IL1R1: variants seen among roughly 807,000 people sequenced by gnomAD.
IL1R1 encodes interleukin 1 receptor type 1.
A neutral mutation model predicts 50.2 loss-of-function variants in IL1R1; 22 were observed. The observed-to-expected ratio is 0.44, with a 90% CI of 0.31 to 0.63. The LOEUF (loss-of-function observed/expected upper bound fraction) is 0.63, where lower values mean the gene tolerates loss of function less well. IL1R1 is among the 20% of genes least tolerant of loss of function. The pLI, the probability that IL1R1 is intolerant of heterozygous loss-of-function variation, is 0.07. For missense variants in IL1R1, 509 were observed against 676.2 expected, an observed-to-expected ratio of 0.75 and a Z score of 2.74; for synonymous variants, 251 against 236.7, an observed-to-expected ratio of 1.06 and a Z score of -0.55.
In IL1R1 at chr2:102,176,836, C is replaced by T; in HGVS notation, c.*77C>T. The T allele has an allele frequency of 7.5e-7, 1 of 1,335,892 alleles. No homozygotes were observed. Among genetic ancestry groups the T allele is most frequent in the Non-Finnish European group, 1.0e-6 (1 of 952,868 alleles). The allele number at this position is 1,335,892 out of a possible 1,614,324, so 82.8% of individuals were successfully genotyped here. ...CAGGCCAGGTTATGCCTCATGCTGA[C>T]TTGCAGAGTTCATGGAATGTAACTA... On this transcript the variant is annotated 3_prime_UTR_variant, in exon 12 of 12. Transcript: ENST00000410023.
In IL1R1 at chr2:102,093,315, C is replaced by T. The variant is rs555045968; in HGVS notation, c.-84+22782C>T. ...GTTATTGAGAAAGCTAGCAAAAGTCCTTTCCGGAAAACCCTTGTGAGTCTT... is the reference window on the plus strand; with the variant it reads ...GTTATTGAGAAAGCTAGCAAAAGTCTTTTCCGGAAAACCCTTGTGAGTCTT... On this transcript the variant is annotated intron_variant, in intron 1 of 11. Transcript: ENST00000409929. Among the ~76,000 whole-genome samples, 4 of 152,278 alleles carry T rather than the reference C, an allele frequency of 2.6e-5. No individual in the cohort carries two copies. In the South Asian group the frequency reaches 8.3e-4, roughly 32 times the overall value.
chr2:102,076,831 C>T (rs543218009), intron 1 of IL1R1, among the ~76,000 whole-genome samples: 1 of 152,090 alleles, frequency 6.6e-6, no homozygotes, highest in Non-Finnish European at 1.5e-5. Context: ...TGTGGGTTTA[C>T]AGTTACTGTA....
chr2:102,139,940 T>C (rs541845965), upstream of IL1R1, among the ~76,000 whole-genome samples: 1 of 152,304 alleles, frequency 6.6e-6, no homozygotes, highest in Non-Finnish European at 1.5e-5. Flanking sequence ...TTTCTCTTAT[T>C]AGGTGGTGCT....
chr2:102,104,650 T>C (rs2104345520), exon 1 of IL1R1: 1 of 152,390 alleles, frequency 6.6e-6, no homozygotes, highest in Middle Eastern at 3.4e-3. Context: ...CCGTACCAGC[T>C]GGGGCGTCCG....
chr2:102,113,024 A>C (rs980698419), intron 1 of IL1R1, among the ~76,000 whole-genome samples: 1 of 152,220 alleles, frequency 6.6e-6, no homozygotes, highest in African/African-American at 2.4e-5. Flanking sequence ...CAGACACCGG[A>C]TCTGTCAGAA....
intron 2 of IL1R1, 72 bp from the exon 3 acceptor site, chr2:102,157,647 T>C: frequency 1.1e-6 from 1 of 949,430 alleles, no homozygotes; most frequent in Admixed American, 1.9e-5. Context: ...TGTTGGTATA[T>C]TTAGTTTTAG....
intron 1 of IL1R1, among the ~76,000 whole-genome samples, chr2:102,106,406 A>T (rs1316710445): frequency 6.6e-6 from 1 of 152,218 alleles, no homozygotes; most frequent in Non-Finnish European, 1.5e-5. Flanking sequence ...GTTTAAAAAG[A>T]TTCTTATGGC....
chr2:102,127,214 G>A (rs547426879), intron 1 of IL1R1, among the ~76,000 whole-genome samples: 1 of 152,326 alleles, frequency 6.6e-6, no homozygotes, highest in East Asian at 1.9e-4. Context: ...AGCTTCAGAA[G>A]GATCCAGGAC....
intron 1 of IL1R1, among the ~76,000 whole-genome samples, chr2:102,086,737 G>A (rs955550670): frequency 1.3e-5 from 2 of 152,028 alleles, no homozygotes; most frequent in East Asian, 1.9e-4. Context: ...GTTTTTAAAC[G>A]TTATCTAGCC....
intron 1 of IL1R1, among the ~76,000 whole-genome samples, chr2:102,152,719 C>T (rs1220619118): frequency 6.6e-6 from 1 of 151,958 alleles, no homozygotes; most frequent in African/African-American, 2.4e-5. Flanking sequence ...CAGGAGGGCA[C>T]TGTCCTAGGA....
chr2:102,085,469 T>C (rs1679392989), intron 1 of IL1R1, among the ~76,000 whole-genome samples: 1 of 152,182 alleles, frequency 6.6e-6, no homozygotes, highest in Admixed American at 6.5e-5. Flanking sequence ...TTTAGAGAAA[T>C]GAATACTCTT....
chr2:102,116,843 GACCTCGTA>G (rs1011728297), intron 1 of IL1R1, among the ~76,000 whole-genome samples: 11 of 152,088 alleles, frequency 7.2e-5, no homozygotes, highest in African/African-American at 2.4e-4. Flanking sequence ...TCTTCTTTAT[GACCTCGTA>G]ACATTTTCCT....
At chr2:102,110,958 G>A (rs139589121) in intron 1 of IL1R1, among the ~76,000 whole-genome samples, 3 of 152,182 alleles carry the variant, frequency 2.0e-5, no homozygotes, top group Non-Finnish European at 4.4e-5. Flanking sequence ...TCGAGGTGGA[G>A]TGATGAAGTC....
intron 1 of IL1R1, among the ~76,000 whole-genome samples, chr2:102,094,317 T>C (rs896022648): frequency 3.9e-5 from 6 of 152,216 alleles, no homozygotes; most frequent in African/African-American, 1.2e-4. Context: ...ATTGAAGCAT[T>C]TACAGAATGC....
chr2:102,073,323 C>T (rs942836459), intron 1 of IL1R1, among the ~76,000 whole-genome samples: 1 of 152,050 alleles, frequency 6.6e-6, no homozygotes, highest in Non-Finnish European at 1.5e-5. Context: ...AATAGGTGAA[C>T]AAATAAACAA....
chr2:102,077,855 G>T (rs1054512540), intron 1 of IL1R1, among the ~76,000 whole-genome samples: 4 of 152,072 alleles, frequency 2.6e-5, no homozygotes, highest in Admixed American at 6.5e-5. Context: ...AAAAAAGAGA[G>T]AAATCATACA....
chr2:102,122,324 G>A (rs1181125610), intron 1 of IL1R1, among the ~76,000 whole-genome samples: 2 of 152,170 alleles, frequency 1.3e-5, no homozygotes, highest in Non-Finnish European at 2.9e-5. Flanking sequence ...TGGAGAGACT[G>A]CATTTCTGAG....
At chr2:102,082,572 G>A (rs185735595) in intron 1 of IL1R1, among the ~76,000 whole-genome samples, 21 of 152,300 alleles carry the variant, frequency 1.4e-4, no homozygotes, top group African/African-American at 4.8e-4. Flanking sequence ...CATGAGGTAG[G>A]TGATAACGGA....
At chr2:102,137,819 A>C (rs2104430282), upstream of IL1R1, among the ~76,000 whole-genome samples, 1 of 152,348 alleles carries the variant, frequency 6.6e-6, no homozygotes, top group Admixed American at 6.5e-5. Context: ...TCTTATTAAA[A>C]GGAAGCCACC....
Sources: allele counts gnomAD v4.1 joint callset (sites outside exome capture counted in the v4.1 genomes callset), GRCh38; gene constraint gnomAD v4.1.1; transcripts MANE v1.5; gene names NCBI Gene and HGNC (gene_info 2026-07-23, HGNC 2026-07-21).